Variants in BMPR1B observed in about 807,000 individuals in gnomAD.
The protein encoded by BMPR1B is bone morphogenetic protein receptor type 1B.
BMPR1B carries 12 observed loss-of-function variants against 59.1 expected under a neutral mutation model. The ratio of observed to expected loss-of-function variants is 0.20; its 90% CI spans 0.13 to 0.33. The LOEUF (loss-of-function observed/expected upper bound fraction) is 0.33. Among genes scored for constraint, BMPR1B ranks in the 10% least tolerant of loss-of-function variants. BMPR1B has a pLI of 1.00. For missense variants in BMPR1B, 550 were observed against 610.9 expected, an observed-to-expected ratio of 0.90 and a Z score of 1.05; for synonymous variants, 237 against 207.3, an observed-to-expected ratio of 1.14 and a Z score of -1.23.
chr4:94,925,441 T>G (rs1347179001), intron 2 of BMPR1B, among the ~76,000 whole-genome samples: 1 of 152,166 alleles, frequency 6.6e-6, no homozygotes, highest in Non-Finnish European at 1.5e-5. Flanking sequence ...TGTTTTGATA[T>G]AAGTCAGTGA....
intron 2 of BMPR1B, among the ~76,000 whole-genome samples, chr4:94,902,906 T>C: frequency 6.6e-6 from 1 of 152,002 alleles, no homozygotes. Context: ...CTGAATTCAA[T>C]CTTGATGTTC....
chr4:94,879,149 C>T (rs1036109564), intron 2 of BMPR1B, among the ~76,000 whole-genome samples: 1 of 152,170 alleles, frequency 6.6e-6, no homozygotes, highest in Non-Finnish European at 1.5e-5. Flanking sequence ...AATTTCTTCT[C>T]ATTTCCAGAT....
chr4:94,992,074 C>T (rs771023437), intron 2 of BMPR1B, among the ~76,000 whole-genome samples: 5 of 152,306 alleles, frequency 3.3e-5, no homozygotes, highest in Admixed American at 1.3e-4. Flanking sequence ...CCTCTCCTCC[C>T]AAAACCTTGC....
At chr4:94,982,030 C>T (rs1183884016) in intron 2 of BMPR1B, among the ~76,000 whole-genome samples, 2 of 152,156 alleles carry the variant, frequency 1.3e-5, no homozygotes, top group African/African-American at 2.4e-5. Context: ...AATGTAGATA[C>T]TGTGTTACAT....
chr4:95,071,906 A>G (rs1728335936), intron 3 of BMPR1B, among the ~76,000 whole-genome samples: 2 of 151,922 alleles, frequency 1.3e-5, no homozygotes, highest in Admixed American at 6.6e-5. Context: ...AACAGAGCCA[A>G]TAAGGTGATA....
Position 95,115,802 on chromosome 4 carries a change from C to T in BMPR1B, c.349+15C>T, listed in dbSNP as rs373169695. 9.4e-6 allele frequency: 15 copies of T among 1,592,170 alleles called. No individual in the cohort carries two copies. The African/African-American group carries it at 1.2e-4, about 13-fold the overall frequency. ...GAAAAACAGAGGTAAGTGAGGAAGG[C>T]TTCCAGCCTGGAAAATCACTAGGTA... On this transcript the variant is annotated intron_variant, in intron 6 of 12. Coordinates refer to ENST00000515059, the MANE Select transcript of BMPR1B (RefSeq NM_001203.3).
At chr4:94,796,165 A>G (rs983954556) in intron 1 of BMPR1B, among the ~76,000 whole-genome samples, 1 of 151,992 alleles carries the variant, frequency 6.6e-6, no homozygotes, top group Non-Finnish European at 1.5e-5. Context: ...GGGTTTCACC[A>G]TGTTGGCCAG....
chr4:94,823,735 T>G (rs1429403585), intron 1 of BMPR1B, among the ~76,000 whole-genome samples: 1 of 130,214 alleles, frequency 7.7e-6, no homozygotes, highest in East Asian at 2.3e-4. Context: ...GAATAGTTTT[T>G]AGTATCCTTT....
At chr4:94,915,840 G>T (rs1728462828) in intron 2 of BMPR1B, among the ~76,000 whole-genome samples, 1 of 152,162 alleles carries the variant, frequency 6.6e-6, no homozygotes, top group Admixed American at 6.6e-5. Context: ...GCTGGAGGCT[G>T]GGCCTAGTGG....
At chr4:95,040,652 T>A (rs1725583800) in intron 3 of BMPR1B, among the ~76,000 whole-genome samples, 1 of 152,210 alleles carries the variant, frequency 6.6e-6, no homozygotes, top group Non-Finnish European at 1.5e-5. Flanking sequence ...TTCATGGTTT[T>A]TATAGTGTAT....
chr4:95,023,797 T>A (rs1724160989), intron 3 of BMPR1B, among the ~76,000 whole-genome samples: 1 of 152,224 alleles, frequency 6.6e-6, no homozygotes, highest in Admixed American at 6.5e-5. Flanking sequence ...ACCAAATGTA[T>A]GTTAATATAT....
intron 2 of BMPR1B, among the ~76,000 whole-genome samples, chr4:94,995,088 T>G (rs2149101940): frequency 1.3e-5 from 2 of 152,314 alleles, no homozygotes; most frequent in South Asian, 4.1e-4. Flanking sequence ...TGGGCTGATT[T>G]ATTTTCTACT....
In BMPR1B at chr4:94,849,011, A is replaced by C. The variant is rs1167455773; in HGVS notation, c.-182-26820A>C. Among the ~76,000 whole-genome samples the C allele has an allele frequency of 2.0e-5, 3 of 152,148 alleles. 1 individual carries two copies. The highest frequency in any genetic ancestry group is 4.4e-5 in the Non-Finnish European group (3 of 68,022). ...TACACTGAGATGTCAATTAAAATGG[A>C]TATGCAAGGCTGGAGTTCAGGCTGG... is the stretch of plus-strand genomic sequence containing the variant. On this transcript the variant is annotated intron_variant, in intron 1 of 12. Coordinates refer to ENST00000515059, the MANE Select transcript of BMPR1B (RefSeq NM_001203.3).
rs1296700954 is a variant in BMPR1B, at chr4:95,115,765, A to G, written c.327A>G (p.Thr109=). The G allele has an allele frequency of 5.0e-6, 8 of 1,612,876 alleles. No individual in the cohort carries two copies. The South Asian group carries it at 5.5e-5, about 11-fold the overall frequency. Residue 109 remains threonine, a synonymous_variant, in exon 6 of 13, where the codon ACA becomes ACG. Transcript: ENST00000515059. ...RNECNKDLHP[T]LPPLKNRDFV... ...AATGTAATAAAGACCTACACCCTAC[A>G]CTGCCTCCATTGAAAAACAGAGGTA... is the stretch of plus-strand genomic sequence containing the variant.
chr4:95,094,276 C>T (rs567383114), intron 3 of BMPR1B, among the ~76,000 whole-genome samples: 1 of 152,112 alleles, frequency 6.6e-6, no homozygotes, highest in African/African-American at 2.4e-5. Context: ...AACAAACTTT[C>T]AGTATGTTTC....
At chr4:95,151,707 C>T (rs1019161844) in intron 11 of BMPR1B, among the ~76,000 whole-genome samples, 8 of 152,072 alleles carry the variant, frequency 5.3e-5, no homozygotes, top group Non-Finnish European at 8.8e-5. Flanking sequence ...GTGAATTTAA[C>T]GATGTGATAT....
At chr4:94,824,063 T>C (rs1315191060) in intron 1 of BMPR1B, among the ~76,000 whole-genome samples, 1 of 152,218 alleles carries the variant, frequency 6.6e-6, no homozygotes, top group Non-Finnish European at 1.5e-5. Context: ...TTTTAGTTTT[T>C]AGAGTTTAAA....
At chr4:95,026,369 C>T (rs7671545) in intron 3 of BMPR1B, among the ~76,000 whole-genome samples, 52,060 of 151,540 alleles carry the variant, frequency 0.34, 9,651 homozygotes, top group African/African-American at 0.49. Flanking sequence ...GCTGAACCTC[C>T]TGCAAAATAA....
intron 1 of BMPR1B, among the ~76,000 whole-genome samples, chr4:94,764,798 C>G (rs567653928): frequency 6.6e-6 from 1 of 152,152 alleles, no homozygotes; most frequent in Non-Finnish European, 1.5e-5. Context: ...TTCACTCTTT[C>G]ACAAATGCAG....
Sources: gnomAD v4.1 joint callset for allele counts (sites outside exome capture counted in the v4.1 genomes callset) on GRCh38, gnomAD v4.1.1 for gene constraint, MANE v1.5 for transcripts, NCBI Gene and HGNC (gene_info 2026-07-23, HGNC 2026-07-21) for gene names.